Variants in BBS9 observed in about 807,000 individuals in gnomAD.
BBS9 encodes protein PTHB1.
Under a neutral mutation model 117.7 loss-of-function variants are expected in BBS9, and 89 were observed. The observed-to-expected ratio is 0.76, with a 90% confidence interval of 0.64 to 0.90. BBS9 has a LOEUF of 0.90. Among genes scored for constraint, BBS9 ranks in the 40% least tolerant of loss-of-function variants. BBS9 has a pLI of 0.00. For missense variants in BBS9, 982 were observed against 1,042.2 expected (o/e 0.94, Z 0.80); for synonymous variants, 379 against 370.9 (o/e 1.02, Z -0.25).
intron 19 of BBS9, among the ~76,000 whole-genome samples, chr7:33,487,964 T>A (rs1843345417): frequency 6.6e-6 from 1 of 152,178 alleles, no homozygotes; most frequent in African/African-American, 2.4e-5. Context: ...GGCTATAAAT[T>A]GTACATGAAA....
At chr7:33,533,156 C>G (rs62449372) in intron 20 of BBS9, among the ~76,000 whole-genome samples, 1,668 of 152,294 alleles carry the variant, frequency 0.011, 21 homozygotes, top group Non-Finnish European at 0.02. Context: ...TAGCTGAACC[C>G]ACCTGAGGGT....
At chr7:33,210,063 G>C (rs561241728) in intron 5 of BBS9, among the ~76,000 whole-genome samples, 21 of 152,166 alleles carry the variant, frequency 1.4e-4, no homozygotes, top group African/African-American at 4.3e-4. Context: ...TGCTTTCACT[G>C]TATTTCATAG....
At chr7:33,283,546 C>T (rs929232266) in intron 9 of BBS9, among the ~76,000 whole-genome samples, 1 of 151,766 alleles carries the variant, frequency 6.6e-6, no homozygotes, top group Non-Finnish European at 1.5e-5. Flanking sequence ...GGCTTTCAAC[C>T]CCGTATCTTT....
At chr7:33,548,234 G>A (rs1374114111) in intron 21 of BBS9, among the ~76,000 whole-genome samples, 1 of 152,094 alleles carries the variant, frequency 6.6e-6, no homozygotes, top group Non-Finnish European at 1.5e-5. Context: ...CTAAAAGTAG[G>A]GGGATAAATT....
Position 33,257,382 on chromosome 7 carries a change from T to C in BBS9, c.589T>C (p.Ser197Pro). 6.2e-7 allele frequency: 1 copy of C among 1,613,936 alleles called. No homozygotes were observed. Among genetic ancestry groups the C allele is most frequent in the Non-Finnish European group, 8.5e-7 (1 of 1,179,888 alleles). ...SSRTDSFLTV[S>P]SCQQVESYKY... ...CCGTACAGATTCCTTCCTTACTGTC[T>C]CTTCCTGCCAACAAGTGGAAAGTTA... Residue 197 changes from serine (S) to proline (P), a missense_variant, in exon 6 of 23, where the codon TCT becomes CCT. Ser to Pro is a moderately conservative substitution (Grantham distance 74). Coordinates refer to ENST00000242067, the MANE Select transcript of BBS9 (RefSeq NM_198428.3).
At chr7:33,325,656 G>A (rs188998029) in intron 9 of BBS9, among the ~76,000 whole-genome samples, 1 of 152,050 alleles carries the variant, frequency 6.6e-6, no homozygotes, top group East Asian at 1.9e-4. Flanking sequence ...GGGGGACTTG[G>A]GTGTTACAAT....
chr7:33,564,123 G>C (rs1856510643), intron 21 of BBS9, among the ~76,000 whole-genome samples: 1 of 152,044 alleles, frequency 6.6e-6, no homozygotes, highest in African/African-American at 2.4e-5. Flanking sequence ...CCCCTTCTTT[G>C]TTTTATTGGC....
intron 19 of BBS9, among the ~76,000 whole-genome samples, chr7:33,500,583 A>G (rs1225886818): frequency 6.6e-6 from 1 of 152,216 alleles, no homozygotes; most frequent in Non-Finnish European, 1.5e-5. Context: ...ACAGCCTTGC[A>G]CACAGTGCCT....
At chr7:33,587,298 T>G (rs1163583040) in intron 21 of BBS9, among the ~76,000 whole-genome samples, 1 of 152,082 alleles carries the variant, frequency 6.6e-6, no homozygotes, top group Non-Finnish European at 1.5e-5. Flanking sequence ...ATTCTCTCCC[T>G]TCCTTTTCTT....
chr7:33,333,466 G>C (rs907657365), intron 9 of BBS9, among the ~76,000 whole-genome samples: 2 of 152,074 alleles, frequency 1.3e-5, no homozygotes, highest in Non-Finnish European at 2.9e-5. Context: ...TGGGCACTTA[G>C]GTTGGTTTCA....
rs564958362 is a variant in BBS9 at position 33,189,155 on chromosome 7, G to C, written c.442+11564G>C. On this transcript the variant is annotated intron_variant, in intron 5 of 22. Transcript: ENST00000242067. ...CCTGCCTCAGCCTCCTGAGTAGCTG[G>C]GACTACAGATGTGCGCTACCATGCC... 2.6e-5 allele frequency among the ~76,000 whole-genome samples: 4 copies of C among 152,174 alleles called. No individual in the cohort carries two copies. The South Asian group carries it at 8.3e-4, about 32-fold the overall frequency.
At chr7:33,240,597 T>C (rs1794335470) in intron 5 of BBS9, among the ~76,000 whole-genome samples, 1 of 152,162 alleles carries the variant, frequency 6.6e-6, no homozygotes, top group Non-Finnish European at 1.5e-5. Context: ...TCCTTTTCAC[T>C]TCCCCCTTGA....
chr7:33,354,218 GCA>G (rs1432628208), intron 15 of BBS9, among the ~76,000 whole-genome samples: 21 of 152,010 alleles, frequency 1.4e-4, no homozygotes, highest in Non-Finnish European at 2.8e-4. Flanking sequence ...ATATTCAGCG[GCA>G]CCTAGTAGGC....
At chr7:33,229,247 T>G (rs1051972588) in intron 5 of BBS9, among the ~76,000 whole-genome samples, 1 of 152,088 alleles carries the variant, frequency 6.6e-6, no homozygotes, top group Non-Finnish European at 1.5e-5. Flanking sequence ...ACAATATAAT[T>G]TTATTATCTA....
At chr7:33,414,115 A>G (rs1831595027) in intron 19 of BBS9, among the ~76,000 whole-genome samples, 1 of 152,208 alleles carries the variant, frequency 6.6e-6, no homozygotes, top group Admixed American at 6.5e-5. Context: ...GGAGACTGAG[A>G]AGGAGGCAGC....
At chr7:33,541,340 A>G (rs181533315) in intron 21 of BBS9, among the ~76,000 whole-genome samples, 1 of 152,066 alleles carries the variant, frequency 6.6e-6, no homozygotes, top group East Asian at 1.9e-4. Context: ...TGATGATGCT[A>G]CCTCCCAAAT....
At chr7:33,593,970 A>T (rs184264303) in intron 21 of BBS9, among the ~76,000 whole-genome samples, 133 of 152,246 alleles carry the variant, frequency 8.7e-4, no homozygotes, top group African/African-American at 3.1e-3. Flanking sequence ...CCACCAAGTG[A>T]GTCTAAATTC....
At chr7:33,562,047 T>A (rs1429666064) in intron 21 of BBS9, among the ~76,000 whole-genome samples, 1 of 152,234 alleles carries the variant, frequency 6.6e-6, no homozygotes, top group Admixed American at 6.5e-5. Context: ...GAGTTGCCAT[T>A]GAAATTTCAA....
At position 33,492,171 on chromosome 7, in the gene BBS9, C is replaced by G. The variant is rs548592713; in HGVS notation, c.2116-13292C>G. On this transcript the variant is annotated intron_variant, in intron 19 of 22. Transcript: ENST00000242067. ...TGAGCCAAGATCGCACCACTGCACT[C>G]CAGCCTGGGTGACAAAGCAAGATTC... 1.9e-3 allele frequency among the ~76,000 whole-genome samples: 261 copies of G among 138,966 alleles called. 3 individuals are homozygous for G. Among genetic ancestry groups the G allele is most frequent in the African/African-American group, 6.7e-3 (246 of 36,690 alleles). The allele number at this position is 138,966 out of a possible 152,430, so 91.2% of individuals were successfully genotyped here.
Sources: gnomAD v4.1 joint callset for allele counts (sites outside exome capture counted in the v4.1 genomes callset) on GRCh38, gnomAD v4.1.1 for gene constraint, MANE v1.5 for transcripts, NCBI Gene and HGNC (gene_info 2026-07-23, HGNC 2026-07-21) for gene names.